SKOR2: variants seen among roughly 807,000 people sequenced by gnomAD.
The protein encoded by SKOR2 is LBX1 corepressor 1-like protein.
In SKOR2, 47 loss-of-function variants were observed where a neutral mutation model predicts 69.1. The ratio of observed to expected loss-of-function variants is 0.68; its 90% CI spans 0.54 to 0.87. The LOEUF (loss-of-function observed/expected upper bound fraction) is 0.87. Ranked by LOEUF, SKOR2 falls within the 40% of genes least tolerant of loss-of-function variation. The pLI, the probability that SKOR2 is intolerant of heterozygous loss-of-function variation, is 0.00. For synonymous variants in SKOR2, 717 were observed against 672.6 expected (o/e 1.07, Z -1.02); for missense variants, 1,404 against 1,472.2 (o/e 0.95, Z 0.76).
intron 4 of SKOR2, among the ~76,000 whole-genome samples, chr18:47,244,637 C>A (rs571530792): frequency 6.6e-6 from 1 of 152,144 alleles, no homozygotes; most frequent in Non-Finnish European, 1.5e-5. Flanking sequence ...TCTAAGAGAA[C>A]ATTTCAATTA....
chr18:47,207,275 G>C (rs2064115900), intron 8 of SKOR2, among the ~76,000 whole-genome samples: 1 of 152,160 alleles, frequency 6.6e-6, no homozygotes, highest in African/African-American at 2.4e-5. Flanking sequence ...AGTATGAGTG[G>C]AGGTTTTGTG....
At chr18:47,225,941 G>A (rs2064177339) in intron 6 of SKOR2, among the ~76,000 whole-genome samples, 1 of 152,144 alleles carries the variant, frequency 6.6e-6, no homozygotes, top group Admixed American at 6.5e-5. Context: ...AGTGCAAATC[G>A]TTCTAGCTTC....
intron 2 of SKOR2, among the ~76,000 whole-genome samples, chr18:47,245,858 A>G (rs1316206335): frequency 1.3e-5 from 2 of 152,190 alleles, no homozygotes; most frequent in African/African-American, 4.8e-5. Flanking sequence ...TGTCAAATCT[A>G]CACTTCATTA....
intron 8 of SKOR2, among the ~76,000 whole-genome samples, chr18:47,208,191 C>A (rs1330003670): frequency 1.3e-5 from 2 of 152,086 alleles, no homozygotes; most frequent in African/African-American, 4.8e-5. Context: ...AGCTAAGGAC[C>A]CAAGGAAGAC....
rs1400712296 is a variant in SKOR2 at position 47,247,353 on chromosome 18, G to A, written c.1831C>T (p.Arg611Cys). The A allele has an allele frequency of 6.8e-7, 1 of 1,469,718 alleles. No homozygotes were observed. The highest frequency in any genetic ancestry group is 9.0e-7 in the Non-Finnish European group (1 of 1,116,434). 91.0% of individuals were successfully genotyped at this position (1,469,718 alleles called of 1,614,324 possible). A position where few individuals can be genotyped will look rare whatever the true frequency, so the allele number is the denominator to read the frequency against. The change falls in exon 2 of 9, where the codon CGC becomes TGC. Residue 611 changes from arginine (R) to cysteine (C), a missense_variant. Around this residue, in one of 3 missense-constraint regions of SKOR2, gnomAD observed 1,266 missense variants for 1,309.9 expected, o/e 0.97. Coordinates refer to ENST00000425639, the MANE Select transcript of SKOR2 (RefSeq NM_001278063.4). This position sits in a 1 kb window ranked among gnomAD's most constrained non-coding sequence, Gnocchi z 6.6. Reference sequence around the variant, plus strand: ...TGGTAGCTGCCACCGCCCGCTTTGCGCCCCTCCAGAAGGTGCGGATGGTGG... The same window carrying A: ...TGGTAGCTGCCACCGCCCGCTTTGCACCCCTCCAGAAGGTGCGGATGGTGG... ...APHHPHLLEG[R>C]KAGGGSYHHS... is the part of the protein sequence containing the mutation.
At chr18:47,231,321 G>A (rs995023338) in intron 4 of SKOR2, among the ~76,000 whole-genome samples, 10 of 152,178 alleles carry the variant, frequency 6.6e-5, no homozygotes, top group African/African-American at 1.4e-4. Context: ...GGCAAAAGAG[G>A]AGTCTGGATA....
intron 4 of SKOR2, 107 bp downstream of exon 4, chr18:47,244,800 TG>T: frequency 1.0e-6 from 1 of 1,002,874 alleles, no homozygotes; most frequent in Non-Finnish European, 1.4e-6. Context: ...TACTAGGAAT[TG>T]TTTTTTATTT....
chr18:47,250,419 A>C (rs574602589), intron 1 of SKOR2, among the ~76,000 whole-genome samples: 1 of 152,380 alleles, frequency 6.6e-6, no homozygotes, highest in Admixed American at 6.5e-5. Context: ...AGTGGAAAGA[A>C]GGAAAGTGGC....
chr18:47,247,516 C>A lies in SKOR2; in HGVS notation c.1668G>T (p.Ala556=), dbSNP rs1359854486. 2 of 1,211,616 alleles carry A rather than the reference C, an allele frequency of 1.7e-6. No individual in the cohort carries two copies. The highest frequency in any genetic ancestry group is 3.4e-5 in the East Asian group (1 of 29,318). 75.1% of individuals were successfully genotyped at this position (1,211,616 alleles called of 1,614,324 possible). Reference sequence around the variant, plus strand: ...TGCCGCCCGGGGGCGACTCGAAGAGCGCGTCGCGAGAGCCGGCGCCCCCGG... The same window carrying A: ...TGCCGCCCGGGGGCGACTCGAAGAGAGCGTCGCGAGAGCCGGCGCCCCCGG... ...PPAGGAGSRD[A]LFESPPGGSG... is the part of the protein sequence containing the mutation. Residue 556 remains alanine (A), a synonymous_variant, in exon 2 of 9, where the codon GCG becomes GCT. Coordinates refer to ENST00000425639, the MANE Select transcript of SKOR2 (RefSeq NM_001278063.4). This position sits in a 1 kb window ranked among gnomAD's most constrained non-coding sequence, Gnocchi z 6.6.
chr18:47,237,607 G>T (rs1005105753), intron 4 of SKOR2, among the ~76,000 whole-genome samples: 1 of 151,908 alleles, frequency 6.6e-6, no homozygotes, highest in African/African-American at 2.4e-5. Context: ...TGAAACTTTT[G>T]CCATTTGAAT....
Position 47,230,482 on chromosome 18 carries a change from C to T in SKOR2, c.2894G>A (p.Gly965Glu). The change falls in exon 6 of 9, where the codon GGA becomes GAA. Residue 965 changes from glycine to glutamate, a missense_variant. By Grantham distance (98) the Gly-to-Glu change is moderately conservative (BLOSUM62 -2). This residue lies in a region of SKOR2 where 1,266 missense variants were observed against 1,309.9 expected (regional missense o/e 0.97). Coordinates refer to ENST00000425639, the MANE Select transcript of SKOR2 (RefSeq NM_001278063.4). Reference sequence around the variant, plus strand: ...ACTGAATACTGGGAAAGATGTGTTTCCTTTTAACACCTGGAATTCTTGTTC... The same window carrying T: ...ACTGAATACTGGGAAAGATGTGTTTTCTTTTAACACCTGGAATTCTTGTTC... ...RLEQEFQVLK[G>E]NTSFPVFNNF... 6.9e-7 allele frequency: 1 copy of T among 1,447,074 alleles called. No individual in the cohort carries two copies. The highest frequency in any genetic ancestry group is 9.0e-7 in the Non-Finnish European group (1 of 1,107,094). 89.6% of individuals were successfully genotyped at this position (1,447,074 alleles called of 1,614,324 possible).
chr18:47,221,840 G>T (rs1196568769), intron 6 of SKOR2, among the ~76,000 whole-genome samples: 1 of 152,224 alleles, frequency 6.6e-6, no homozygotes, highest in Non-Finnish European at 1.5e-5. Context: ...GCCTACCACA[G>T]TGCCTGGCAC....
In SKOR2 at chr18:47,220,008, T is replaced by A; in HGVS notation, c.2920A>T (p.Asn974Tyr). ...TCCCTTTTCATCTGATCCTGAAAAT[T>A]ATCTGGTAGGAGAGAGAGATAGAGA... is the stretch of plus-strand genomic sequence containing the variant. ...KGNTSFPVFN[N>Y]FQDQMKRELA... Residue 974 changes from asparagine (N) to tyrosine (Y), a missense_variant and splice_region_variant, in exon 7 of 9, where the codon AAT (asparagine) becomes TAT (tyrosine). This residue lies in a region of SKOR2 where 1,266 missense variants were observed against 1,309.9 expected (regional missense o/e 0.97). Coordinates refer to ENST00000425639, the MANE Select transcript of SKOR2 (RefSeq NM_001278063.4). 6.5e-7 allele frequency: 1 copy of A among 1,535,432 alleles called. No individual in the cohort carries two copies. Among genetic ancestry groups the A allele is most frequent in the Non-Finnish European group, 8.7e-7 (1 of 1,146,356 alleles).
Position 47,246,865 on chromosome 18 carries a change from C to T in SKOR2, c.2319G>A (p.Thr773=), listed in dbSNP as rs940193750. The T allele has an allele frequency of 2.0e-6, 3 of 1,492,574 alleles. No individual in the cohort carries two copies. Among genetic ancestry groups the T allele is most frequent in the South Asian group, 2.5e-5 (2 of 78,774 alleles). 92.5% of individuals were successfully genotyped at this position (1,492,574 alleles called of 1,614,324 possible). The part of the protein sequence containing the change: ...PDDDEEEDEE[T]EVLLGDPLVG... ...CTAAGGGGTCGCCGAGTAGGACCTC[C>T]GTCTCCTCGTCCTCTTCCTCGTCGT... Residue 773 remains threonine (T), a synonymous_variant, in exon 2 of 9, where the codon ACG becomes ACA. Coordinates refer to ENST00000425639, the MANE Select transcript of SKOR2 (RefSeq NM_001278063.4).
intron 4 of SKOR2, among the ~76,000 whole-genome samples, chr18:47,240,439 C>T (rs2064243829): frequency 6.6e-6 from 1 of 152,078 alleles, no homozygotes; most frequent in Admixed American, 6.6e-5. Context: ...ACTACCATCC[C>T]CCTTATCTAT....
chr18:47,246,431 C>T, intron 2 of SKOR2, 140 bp downstream of exon 2: 1 of 1,109,658 alleles, frequency 9.0e-7, no homozygotes, highest in Non-Finnish European at 1.2e-6. Flanking sequence ...AGGAAAGAAG[C>T]CCTCCTAAAC....
chr18:47,247,911 C>T lies in SKOR2; in HGVS notation c.1273G>A (p.Glu425Lys), dbSNP rs2064289039. The T allele has an allele frequency of 7.3e-7, 1 of 1,369,600 alleles. No homozygotes were observed. Among genetic ancestry groups the T allele is most frequent in the Non-Finnish European group, 9.4e-7 (1 of 1,068,626 alleles). The allele number at this position is 1,369,600 out of a possible 1,614,324, so 84.8% of individuals were successfully genotyped here. Residue 425 changes from glutamate to lysine, a missense_variant, in exon 2 of 9, where the codon GAG (glutamate) becomes AAG (lysine). Transcript: ENST00000425639. This position sits in a 1 kb window ranked among gnomAD's most constrained non-coding sequence, Gnocchi z 6.6. ...AAAFSLCHKK[E>K]DAGAAAEALG... is the part of the protein sequence containing the mutation. ...GCCTCAGCGGCGGCACCCGCATCCT[C>T]TTTCTTATGGCACAAGCTGAAGGCG...
At chr18:47,233,148 C>T (rs2064206579) in intron 4 of SKOR2, among the ~76,000 whole-genome samples, 1 of 152,106 alleles carries the variant, frequency 6.6e-6, no homozygotes, top group African/African-American at 2.4e-5. Flanking sequence ...TAATAATATC[C>T]TTGGCATCCC....
Position 47,247,102 on chromosome 18 carries a change from G to A in SKOR2, c.2082C>T (p.Ala694=), listed in dbSNP as rs1279365468. Residue 694 remains alanine, a synonymous_variant, in exon 2 of 9, where the codon GCC becomes GCT. Transcript: ENST00000425639. The surrounding 1 kb of genome is among the most constrained non-coding windows in gnomAD (Gnocchi z 6.6). ...DEPGSERHHP[A]PPPPPPPPPP... is the part of the protein sequence containing the mutation. The stretch of plus-strand genomic sequence containing the variant: ...GGGGCGGCGGCGGCGGCGGCGGCGG[G>A]GCCGGGTGGTGGCGCTCGGAACCCG... The A allele has an allele frequency of 3.0e-6, 4 of 1,333,988 alleles. No homozygotes were observed. The highest frequency in any genetic ancestry group is 3.7e-5 in the Admixed American group (1 of 27,188). 82.6% of individuals were successfully genotyped at this position (1,333,988 alleles called of 1,614,324 possible).
Sources: gnomAD v4.1 joint callset for allele counts (sites outside exome capture counted in the v4.1 genomes callset) on GRCh38, gnomAD v4.1.1 for gene constraint, gnomAD v4.1.1 regional missense constraint, Gnocchi (gnomAD v3.1) non-coding constraint, MANE v1.5 for transcripts, NCBI Gene and HGNC (gene_info 2026-07-23, HGNC 2026-07-21) for gene names.